GALNTL5: variants seen among roughly 807,000 people sequenced by gnomAD.
GALNTL5 encodes the protein polypeptide N-acetylgalactosaminyltransferase like 5.
In GALNTL5, 44 loss-of-function variants were observed where a neutral mutation model predicts 51.0. That is an observed-to-expected ratio of 0.86 (90% CI 0.68 to 1.11). GALNTL5 has a LOEUF of 1.11. Among genes scored for constraint, GALNTL5 ranks in the 50% least tolerant of loss-of-function variants. GALNTL5 has a pLI of 0.00. For synonymous variants in GALNTL5, 192 were observed against 182.8 expected (o/e 1.05, Z -0.41); for missense variants, 528 against 531.8 (o/e 0.99, Z 0.07).
At chr7:151,984,616 A>G (rs56076409) in intron 4 of GALNTL5, among the ~76,000 whole-genome samples, 3,123 of 152,292 alleles carry the variant, frequency 0.021, 96 homozygotes, top group African/African-American at 0.07. Flanking sequence ...GTCTGAGGGC[A>G]CAGGACTGTC....
At chr7:151,970,702 G>C (rs2081123870) in intron 2 of GALNTL5, 1 of 293,104 alleles carries the variant, frequency 3.4e-6, no homozygotes, top group South Asian at 3.0e-5. Flanking sequence ...CTGCAGAACT[G>C]TGAGCCAAAT....
At chr7:151,960,369 A>G (rs1363089275) in intron 1 of GALNTL5, 1 of 152,212 alleles carries the variant, frequency 6.6e-6, no homozygotes, top group East Asian at 1.9e-4. Flanking sequence ...CCACCTTTCC[A>G]CCAGCAATGG....
chr7:152,012,556 G>T (rs907986273), intron 7 of GALNTL5, among the ~76,000 whole-genome samples: 4 of 151,992 alleles, frequency 2.6e-5, no homozygotes, highest in African/African-American at 9.7e-5. Flanking sequence ...CCTATTACTG[G>T]GTATATTACC....
chr7:152,004,453 GATTT>G (rs2151957718), intron 6 of GALNTL5, among the ~76,000 whole-genome samples: 1 of 151,796 alleles, frequency 6.6e-6, no homozygotes, highest in East Asian at 1.9e-4. Flanking sequence ...TTATTTTATT[GATTT>G]ATTATTATTT....
chr7:152,013,835 A>G (rs971266297), intron 7 of GALNTL5, among the ~76,000 whole-genome samples: 1 of 152,252 alleles, frequency 6.6e-6, no homozygotes, highest in South Asian at 2.1e-4. Context: ...TAGGACAAGA[A>G]GTGAATTGTG....
intron 6 of GALNTL5, 89 bp downstream of exon 6, chr7:152,003,052 C>A (rs2081602792): frequency 1.7e-6 from 2 of 1,146,490 alleles, no homozygotes; most frequent in Non-Finnish European, 2.5e-6. Context: ...CTTTCAAGTT[C>A]TTGGGCTTAA....
intron 5 of GALNTL5, among the ~76,000 whole-genome samples, chr7:151,987,750 T>C (rs2081377460): frequency 6.6e-6 from 1 of 152,200 alleles, no homozygotes; most frequent in South Asian, 2.1e-4. Flanking sequence ...GAGCTGATGC[T>C]TCTGACCCGA....
At chr7:152,003,881 A>C (rs1237361496) in intron 6 of GALNTL5, among the ~76,000 whole-genome samples, 4 of 152,226 alleles carry the variant, frequency 2.6e-5, no homozygotes, top group Non-Finnish European at 4.4e-5. Context: ...TCAACAGGGA[A>C]ACTGTATTCC....
chr7:151,999,905 T>C (rs2081549764), intron 5 of GALNTL5, among the ~76,000 whole-genome samples: 2 of 152,306 alleles, frequency 1.3e-5, no homozygotes, highest in East Asian at 3.9e-4. Context: ...GATAAAGATA[T>C]TTCAAAATAG....
At position 151,971,061 on chromosome 7, in the gene GALNTL5, A is replaced by G. The variant is rs758512203; in HGVS notation, c.364A>G (p.Lys122Glu). The G allele has an allele frequency of 6.2e-7, 1 of 1,607,530 alleles. No homozygotes were observed. The highest frequency in any genetic ancestry group is 1.3e-5 in the African/African-American group (1 of 74,726). Residue 122 changes from lysine to glutamate, a missense_variant, in exon 3 of 9, where the codon AAA becomes GAA. Physicochemically the swap from Lys to Glu is moderately conservative, Grantham distance 56 (BLOSUM62 1). Transcript: ENST00000392800. ...AAGAGAAGTGCCAGATACCAGGAGT[A>G]AAATGTATGTTGTCTCTCTCTTTCT... ...IEREVPDTRS[K>E]MCLQKHYPAR...
rs1288821718 is a variant in GALNTL5 at position 152,002,922 on chromosome 7, T to G, written c.867T>G (p.Ser289=). ...NLQFKWDNVF[S]YEMDGPEGST... ...AATTTAAATGGGATAATGTTTTCTC[T>G]TATGAGATGGATGGACCAGAAGGAT... Residue 289 remains serine, a synonymous_variant, in exon 6 of 9, where the codon TCT becomes TCG. Transcript: ENST00000392800. 1.9e-6 allele frequency: 3 copies of G among 1,613,940 alleles called. No individual in the cohort carries two copies. In the African/African-American group the frequency reaches 4.0e-5, roughly 22 times the overall value.
chr7:151,979,010 T>C (rs1322913235), intron 3 of GALNTL5, among the ~76,000 whole-genome samples: 1 of 152,082 alleles, frequency 6.6e-6, no homozygotes, highest in African/African-American at 2.4e-5. Context: ...TGTACTGAAC[T>C]ATTATTAATG....
intron 3 of GALNTL5, among the ~76,000 whole-genome samples, chr7:151,980,098 T>A (rs2081260267): frequency 6.6e-6 from 1 of 152,184 alleles, no homozygotes; most frequent in Non-Finnish European, 1.5e-5. Flanking sequence ...TGGAATATTT[T>A]TTTGAGACAG....
intron 5 of GALNTL5, among the ~76,000 whole-genome samples, chr7:151,996,274 T>G (rs914265945): frequency 6.6e-6 from 1 of 152,044 alleles, no homozygotes; most frequent in Non-Finnish European, 1.5e-5. Context: ...TAGTTACATA[T>G]GTATACATGT....
intron 5 of GALNTL5, among the ~76,000 whole-genome samples, chr7:151,992,443 G>A (rs1586834619): frequency 6.6e-6 from 1 of 152,198 alleles, no homozygotes; most frequent in Non-Finnish European, 1.5e-5. Flanking sequence ...GAGACCTGCA[G>A]GGGAGGCTCC....
intron 5 of GALNTL5, among the ~76,000 whole-genome samples, chr7:151,991,279 G>C (rs1490932405): frequency 6.6e-6 from 1 of 152,140 alleles, no homozygotes; most frequent in Non-Finnish European, 1.5e-5. Flanking sequence ...TTTTAGTAGA[G>C]ACGGGGTTTC....
intron 1 of GALNTL5, 45 bp from the exon 2 acceptor site, chr7:151,967,163 C>T: frequency 7.8e-7 from 1 of 1,276,694 alleles, no homozygotes; most frequent in Non-Finnish European, 1.1e-6. Context: ...ATCTACAAAC[C>T]ATTGGAATAT....
intron 5 of GALNTL5, among the ~76,000 whole-genome samples, chr7:151,988,312 G>C (rs2081386178): frequency 1.3e-5 from 2 of 152,328 alleles, no homozygotes; most frequent in South Asian, 2.1e-4. Context: ...GCTTGATAGA[G>C]AGCCCAGGCC....
intron 4 of GALNTL5, among the ~76,000 whole-genome samples, chr7:151,984,760 G>A (rs900053713): frequency 3.9e-5 from 6 of 152,094 alleles, no homozygotes; most frequent in South Asian, 2.1e-4. Flanking sequence ...AGAAGTCACT[G>A]GGAAAGCCAC....
Sources: gnomAD v4.1 joint callset for allele counts (sites outside exome capture counted in the v4.1 genomes callset) on GRCh38, gnomAD v4.1.1 for gene constraint, MANE v1.5 for transcripts, NCBI Gene and HGNC (gene_info 2026-07-23, HGNC 2026-07-21) for gene names.